AGBL1: variants seen among roughly 807,000 people sequenced by gnomAD.
AGBL1 encodes the protein AGBL carboxypeptidase 1.
A neutral mutation model predicts 118.9 loss-of-function variants in AGBL1; 130 were observed. That is an observed-to-expected ratio of 1.09 (90% confidence interval 0.95 to 1.26). AGBL1 has a LOEUF of 1.26. AGBL1 is among the 50% of genes most tolerant of loss of function. The pLI is 0.00. For synonymous variants in AGBL1, 555 were observed against 478.9 expected (o/e 1.16, Z -2.08); for missense variants, 1,584 against 1,298.1 (o/e 1.22, Z -3.38).
chr15:86,210,757 G>A (rs79203797), intron 5 of AGBL1, among the ~76,000 whole-genome samples: 3 of 152,084 alleles, frequency 2.0e-5, no homozygotes, highest in South Asian at 4.1e-4. Context: ...AGATGGGTTC[G>A]AACATCCTCC....
Position 86,295,417 on chromosome 15 carries a change from A to C in AGBL1, c.2374+9A>C. On this transcript the variant is annotated intron_variant, in intron 17 of 22. Transcript: ENST00000614907. ...GCATCTAGAGCAGTTCCGTGAGTAA[A>C]ATGGGATCCTCTTCGTAGAAGATTT... 6.5e-7 allele frequency: 1 copy of C among 1,545,688 alleles called. No individual in the cohort carries two copies. The highest frequency in any genetic ancestry group is 8.7e-7 in the Non-Finnish European group (1 of 1,149,520).
chr15:86,236,027 T>G (rs60854282), intron 6 of AGBL1, among the ~76,000 whole-genome samples: 20,382 of 152,274 alleles, frequency 0.13, 1,577 homozygotes, highest in South Asian at 0.17. Flanking sequence ...TTGTGTAATA[T>G]GCACTTGGCA....
chr15:86,477,657 C>T (rs146688724), intron 18 of AGBL1, among the ~76,000 whole-genome samples: 347 of 152,172 alleles, frequency 2.3e-3, no homozygotes, highest in East Asian at 5.2e-3. Flanking sequence ...AGAGGTACAA[C>T]GAGGAGCTGG....
chr15:86,802,326 C>T (rs536571338), intron 22 of AGBL1, among the ~76,000 whole-genome samples: 2 of 151,792 alleles, frequency 1.3e-5, no homozygotes, highest in South Asian at 4.2e-4. Context: ...TTCTTGATGG[C>T]AGGGAATATG....
chr15:87,010,483 G>T (rs762512255), intron 24 of AGBL1, among the ~76,000 whole-genome samples: 2 of 152,094 alleles, frequency 1.3e-5, no homozygotes, highest in African/African-American at 4.8e-5. Context: ...ATCAGCTAAG[G>T]GCTGATGTAG....
At chr15:86,444,488 A>G (rs1250148025) in intron 18 of AGBL1, among the ~76,000 whole-genome samples, 2 of 152,170 alleles carry the variant, frequency 1.3e-5, no homozygotes, top group Admixed American at 6.5e-5. Context: ...AGCTTGCCCA[A>G]AGGGTTCACT....
At chr15:86,785,217 G>A (rs1404013771) in intron 22 of AGBL1, among the ~76,000 whole-genome samples, 2 of 152,074 alleles carry the variant, frequency 1.3e-5, no homozygotes, top group Non-Finnish European at 2.9e-5. Flanking sequence ...AGGGGCTTAA[G>A]TGTCTGGGTA....
At chr15:86,861,582 A>T (rs951196119) in intron 22 of AGBL1, among the ~76,000 whole-genome samples, 3 of 152,202 alleles carry the variant, frequency 2.0e-5, no homozygotes, top group Non-Finnish European at 2.9e-5. Context: ...TCTGTTACTC[A>T]GTTTTCCCGT....
At chr15:86,196,166 G>A (rs1029134811) in intron 5 of AGBL1, among the ~76,000 whole-genome samples, 9 of 152,144 alleles carry the variant, frequency 5.9e-5, no homozygotes, top group Admixed American at 5.2e-4. Flanking sequence ...GACTTTGGCC[G>A]CATGTAGCAT....
At chr15:86,885,242 ATTATT>A (rs2079953921) in intron 22 of AGBL1, among the ~76,000 whole-genome samples, 1 of 152,134 alleles carries the variant, frequency 6.6e-6, no homozygotes. Flanking sequence ...ATTATCTTAA[ATTATT>A]TTATAATATT....
chr15:86,408,888 C>T (rs573873393), intron 18 of AGBL1, among the ~76,000 whole-genome samples: 1 of 151,976 alleles, frequency 6.6e-6, no homozygotes, highest in Admixed American at 6.6e-5. Context: ...CCTGCCCTCA[C>T]TGGAAAAAAA....
At chr15:86,629,050 A>G (rs1415425633) in intron 21 of AGBL1, among the ~76,000 whole-genome samples, 1 of 152,160 alleles carries the variant, frequency 6.6e-6, no homozygotes, top group Admixed American at 6.5e-5. Context: ...GCTTCTTATT[A>G]GCTATGGTCA....
chr15:86,823,580 T>G (rs971168490), intron 22 of AGBL1, among the ~76,000 whole-genome samples: 1 of 152,110 alleles, frequency 6.6e-6, no homozygotes. Context: ...CTACATGCAA[T>G]AATAAACTAA....
chr15:86,860,554 A>C (rs1292219982), intron 22 of AGBL1, among the ~76,000 whole-genome samples: 1 of 152,070 alleles, frequency 6.6e-6, no homozygotes, highest in Non-Finnish European at 1.5e-5. Flanking sequence ...TGACTTATAA[A>C]TGTTTTACAC....
At chr15:86,322,934 C>T (rs535386442) in intron 17 of AGBL1, among the ~76,000 whole-genome samples, 1 of 152,242 alleles carries the variant, frequency 6.6e-6, no homozygotes, top group South Asian at 2.1e-4. Flanking sequence ...TTTTTGAGTA[C>T]CAGCTTTTTG....
intron 21 of AGBL1, among the ~76,000 whole-genome samples, chr15:86,571,149 C>A (rs1036445768): frequency 6.6e-6 from 1 of 152,122 alleles, no homozygotes; most frequent in African/African-American, 2.4e-5. Context: ...TTTGGAGATG[C>A]CAGGAACTGC....
chr15:86,293,252 T>A (rs201603622), intron 16 of AGBL1, among the ~76,000 whole-genome samples: 57 of 152,216 alleles, frequency 3.7e-4, no homozygotes, highest in East Asian at 3.7e-3. Flanking sequence ...GTACTTTTTT[T>A]AAAAAAAATT....
At chr15:86,107,757 G>A (rs1897134899) in intron 1 of AGBL1, 1 of 152,154 alleles carries the variant, frequency 6.6e-6, no homozygotes, top group Admixed American at 6.5e-5. Flanking sequence ...GGCGAGAAAC[G>A]GGAGGAGGAA....
intron 17 of AGBL1, among the ~76,000 whole-genome samples, chr15:86,370,701 A>G (rs1429095781): frequency 3.9e-5 from 6 of 152,164 alleles, no homozygotes; most frequent in Admixed American, 2.6e-4. Context: ...ATCTGCTCTC[A>G]TGGCACATCT....
Sources: gnomAD v4.1 joint callset for allele counts (sites outside exome capture counted in the v4.1 genomes callset) on GRCh38, gnomAD v4.1.1 for gene constraint, MANE v1.5 for transcripts, NCBI Gene and HGNC (gene_info 2026-07-23, HGNC 2026-07-21) for gene names.